FHIT: variants seen among roughly 807,000 people sequenced by gnomAD.
FHIT encodes fragile histidine triad diadenosine triphosphatase.
Under a neutral mutation model 17.9 loss-of-function variants are expected in FHIT, and 19 were observed. The ratio of observed to expected loss-of-function variants is 1.06; its 90% CI spans 0.74 to 1.56. The LOEUF (loss-of-function observed/expected upper bound fraction) is 1.56. FHIT is among the 40% of genes most tolerant of loss of function. The pLI, the probability that FHIT is intolerant of heterozygous loss-of-function variation, is 0.00. For missense variants in FHIT, 248 were observed against 189.2 expected (o/e 1.31, Z -1.82); for synonymous variants, 81 against 69.7 (o/e 1.16, Z -0.81).
At chr3:59,887,477 G>C (rs1475908804) in intron 8 of FHIT, among the ~76,000 whole-genome samples, 1 of 152,170 alleles carries the variant, frequency 6.6e-6, no homozygotes, top group African/African-American at 2.4e-5. Context: ...AGCAGTCAGA[G>C]AGCCAAGAAA....
intron 5 of FHIT, among the ~76,000 whole-genome samples, chr3:60,241,158 G>A (rs1705110294): frequency 1.3e-5 from 2 of 152,112 alleles, no homozygotes; most frequent in Non-Finnish European, 2.9e-5. Flanking sequence ...TTATTCCTCT[G>A]TGGATTCCAT....
chr3:59,818,718 T>A (rs1700690230), intron 8 of FHIT, among the ~76,000 whole-genome samples: 1 of 152,230 alleles, frequency 6.6e-6, no homozygotes, highest in African/African-American at 2.4e-5. Context: ...CCGGGCCGAC[T>A]GCCAGCTCTC....
intron 5 of FHIT, among the ~76,000 whole-genome samples, chr3:60,452,159 T>C (rs377650957): frequency 2.6e-4 from 39 of 152,312 alleles, no homozygotes; most frequent in African/African-American, 8.2e-4. Flanking sequence ...TTTCAGGCCC[T>C]GCATAAATCA....
intron 5 of FHIT, among the ~76,000 whole-genome samples, chr3:60,314,061 C>A (rs1709062302): frequency 6.6e-6 from 1 of 152,054 alleles, no homozygotes. Context: ...TCAAATGAAG[C>A]CGAATAGTTT....
intron 1 of FHIT, among the ~76,000 whole-genome samples, chr3:61,214,566 T>A (rs1238916617): frequency 1.3e-5 from 2 of 152,120 alleles, no homozygotes; most frequent in African/African-American, 4.8e-5. Context: ...ACAGCCGAAT[T>A]CTACCAGAGG....
chr3:60,101,855 C>T (rs988844177), intron 5 of FHIT, among the ~76,000 whole-genome samples: 5 of 152,200 alleles, frequency 3.3e-5, no homozygotes, highest in Non-Finnish European at 7.3e-5. Flanking sequence ...GCACACTGAG[C>T]CACTTCCTTC....
chr3:60,084,169 C>G (rs1026818289), intron 5 of FHIT, among the ~76,000 whole-genome samples: 3 of 152,122 alleles, frequency 2.0e-5, no homozygotes, highest in Non-Finnish European at 4.4e-5. Flanking sequence ...GGGGTAACCT[C>G]TGGAAAATGG....
At chr3:60,295,757 T>A (rs891717027) in intron 5 of FHIT, among the ~76,000 whole-genome samples, 1 of 152,128 alleles carries the variant, frequency 6.6e-6, no homozygotes. Flanking sequence ...TCATTTTACA[T>A]TCTTACCAGC....
At chr3:61,050,453 GA>G (rs554356982) in intron 2 of FHIT, among the ~76,000 whole-genome samples, 1 of 152,210 alleles carries the variant, frequency 6.6e-6, no homozygotes, top group South Asian at 2.1e-4. Context: ...AACAATTAGG[GA>G]AATGCAAATA....
At position 61,182,379 on chromosome 3, in the gene FHIT, A is replaced by T. The variant is rs1406106880; in HGVS notation, c.-164+18238T>A. Among the ~76,000 whole-genome samples, 2 of 152,138 alleles carry T rather than the reference A, an allele frequency of 1.3e-5. 1 individual carries two copies. The highest frequency in any genetic ancestry group is 1.3e-4 in the Admixed American group (2 of 15,264). ...AGCCAGTGTTCTATATTAATACAAC[A>T]TTTCTCTTTAAATCAACTCAATTCT... On this transcript the variant is annotated intron_variant, in intron 2 of 9. Coordinates refer to ENST00000492590, the MANE Select transcript of FHIT (RefSeq NM_002012.4).
chr3:59,843,370 T>C (rs1187940520), intron 8 of FHIT, among the ~76,000 whole-genome samples: 1 of 152,184 alleles, frequency 6.6e-6, no homozygotes, highest in African/African-American at 2.4e-5. Flanking sequence ...TCCAGGTTTG[T>C]TCTTTTCCAG....
At chr3:60,526,767 A>G (rs186750649) in intron 5 of FHIT, among the ~76,000 whole-genome samples, 2 of 152,240 alleles carry the variant, frequency 1.3e-5, no homozygotes, top group East Asian at 3.9e-4. Context: ...CCAGATCATG[A>G]CAGTACCTGT....
chr3:59,895,654 C>G (rs2107041454), intron 8 of FHIT, among the ~76,000 whole-genome samples: 1 of 152,324 alleles, frequency 6.6e-6, no homozygotes, highest in East Asian at 1.9e-4. Flanking sequence ...CCACTTGCTT[C>G]TCTCCTTCCA....
chr3:60,459,547 T>C (rs2032326657), intron 5 of FHIT, among the ~76,000 whole-genome samples: 1 of 152,204 alleles, frequency 6.6e-6, no homozygotes, highest in Admixed American at 6.5e-5. Flanking sequence ...CGCTTAGCAG[T>C]GGTTTGAAAC....
chr3:59,907,987 C>T (rs1334270351), intron 8 of FHIT, among the ~76,000 whole-genome samples: 1 of 152,226 alleles, frequency 6.6e-6, no homozygotes, highest in African/African-American at 2.4e-5. Flanking sequence ...CTCTCTCTTC[C>T]ACCTCTGTGA....
intron 4 of FHIT, among the ~76,000 whole-genome samples, chr3:60,569,755 A>ATTTTTT (rs1553654909): frequency 0.01 from 796 of 77,234 alleles, 19 homozygotes; most frequent in South Asian, 0.015. Flanking sequence ...ATATATATAT[A>ATTTTTT]TTTTTTTTTT....
At chr3:60,231,656 T>C (rs751276741) in intron 5 of FHIT, among the ~76,000 whole-genome samples, 1 of 152,216 alleles carries the variant, frequency 6.6e-6, no homozygotes, top group Admixed American at 6.5e-5. Context: ...ACATATTATG[T>C]GTCAAGTGCT....
chr3:60,153,574 C>A (rs983273195), intron 5 of FHIT, among the ~76,000 whole-genome samples: 1 of 152,130 alleles, frequency 6.6e-6, no homozygotes, highest in Non-Finnish European at 1.5e-5. Flanking sequence ...TGCCATGGGG[C>A]ACAATACCCA....
intron 3 of FHIT, among the ~76,000 whole-genome samples, chr3:60,967,634 T>A (rs1047198583): frequency 1.3e-5 from 2 of 152,200 alleles, no homozygotes. Context: ...GTTTAAGTTT[T>A]AGGAGCAGGT....
Sources: gnomAD v4.1 joint callset for allele counts (sites outside exome capture counted in the v4.1 genomes callset) on GRCh38, gnomAD v4.1.1 for gene constraint, MANE v1.5 for transcripts, NCBI Gene and HGNC (gene_info 2026-07-23, HGNC 2026-07-21) for gene names.